Variants in DNAH11 observed in about 807,000 individuals in gnomAD.
DNAH11 encodes the protein axonemal beta dynein heavy chain 11.
In DNAH11, 442 loss-of-function variants were observed where a neutral mutation model predicts 526.0. That is an observed-to-expected ratio of 0.84 (90% CI 0.78 to 0.91). The LOEUF (loss-of-function observed/expected upper bound fraction) is 0.91, where lower values mean the gene tolerates loss of function less well. DNAH11 is among the 40% of genes least tolerant of loss of function. The pLI is 0.00. For missense variants in DNAH11, 6,989 were observed against 5,448.7 expected (o/e 1.28, Z -8.90); for synonymous variants, 2,461 against 1,935.9 (o/e 1.27, Z -7.12).
In DNAH11 at chr7:21,870,642, A is replaced by G. The variant is rs190394402; in HGVS notation, c.11967+1651A>G. 9.8e-5 allele frequency among the ~76,000 whole-genome samples: 15 copies of G among 152,336 alleles called. No individual in the cohort carries two copies. The East Asian group carries it at 2.3e-3, about 23-fold the overall frequency. ...GCTATAGTCATCCTCAAAAGAACGT[A>G]TTCAAAATAAACTATTTCCATTACT... is the stretch of plus-strand genomic sequence containing the variant. On this transcript the variant is annotated intron_variant, in intron 73 of 81. Coordinates refer to ENST00000409508, the MANE Select transcript of DNAH11 (RefSeq NM_001277115.2).
At chr7:21,582,159 ATAATAAAC>A in intron 9 of DNAH11, 138 bp downstream of exon 9, 1 of 593,976 alleles carries the variant, frequency 1.7e-6, no homozygotes, top group Non-Finnish European at 3.0e-6. Context: ...AGCTCACTGA[ATAATAAAC>A]TTTGAATAGT....
chr7:21,647,659 C>T (rs1486390705), intron 28 of DNAH11, among the ~76,000 whole-genome samples: 1 of 151,878 alleles, frequency 6.6e-6, no homozygotes, highest in Non-Finnish European at 1.5e-5. Context: ...TCTTGATCTC[C>T]TGACCTTGTG....
In DNAH11 at chr7:21,786,378, T is replaced by C. The variant is rs114594637; in HGVS notation, c.9598-246T>C. Among the ~76,000 whole-genome samples the C allele has an allele frequency of 2.4e-3, 365 of 152,104 alleles. 2 individuals are homozygous for C. Among genetic ancestry groups the C allele is most frequent in the African/African-American group, 8.5e-3 (353 of 41,482 alleles). ...TCTGCAGGACTGATATATAGATATA[T>C]AGATCATTTTTCTTGAAGGCAAGAA... On this transcript the variant is annotated intron_variant, in intron 58 of 81. Coordinates refer to ENST00000409508, the MANE Select transcript of DNAH11 (RefSeq NM_001277115.2).
chr7:21,699,623 T>A (rs1288093587), intron 36 of DNAH11, among the ~76,000 whole-genome samples: 1 of 152,154 alleles, frequency 6.6e-6, no homozygotes, highest in African/African-American at 2.4e-5. Flanking sequence ...GTGGGTGGAA[T>A]CATAATTTTT....
At chr7:21,669,697 T>A (rs1782566510) in intron 30 of DNAH11, among the ~76,000 whole-genome samples, 1 of 151,916 alleles carries the variant, frequency 6.6e-6, no homozygotes, top group Admixed American at 6.6e-5. Flanking sequence ...TAGATGTTAT[T>A]GCCTGTCCAA....
intron 68 of DNAH11, among the ~76,000 whole-genome samples, chr7:21,855,535 C>T (rs958129253): frequency 3.9e-5 from 6 of 152,104 alleles, no homozygotes; most frequent in African/African-American, 1.2e-4. Context: ...AATATAATAT[C>T]CCCATTTAAA....
At position 21,901,141 on chromosome 7, in the gene DNAH11, G is replaced by GTGTATA; in HGVS notation, c.13439_13444dup (p.Tyr4481_Arg4482insMetTyr). 1 of 1,613,252 alleles carries GTGTATA rather than the reference G, an allele frequency of 6.2e-7. No homozygotes were observed. Among genetic ancestry groups the GTGTATA allele is most frequent in the Non-Finnish European group, 8.5e-7 (1 of 1,179,358 alleles). ...AACCAAACAGACCTACGAGTGCCCTGTGTATAGAACCAAACTGAGAGGCCC... is the reference window on the plus strand; with the variant it reads ...AACCAAACAGACCTACGAGTGCCCTGTGTATATGTATAGAACCAAACTGAGAGGCCC... On this transcript the variant is annotated inframe_insertion, in exon 82 of 82. Coordinates refer to ENST00000409508, the MANE Select transcript of DNAH11 (RefSeq NM_001277115.2).
chr7:21,654,456 A>G (rs1458871999), intron 28 of DNAH11, among the ~76,000 whole-genome samples: 2 of 152,156 alleles, frequency 1.3e-5, no homozygotes, highest in Non-Finnish European at 2.9e-5. Context: ...CGTTGTATGG[A>G]TATACCACAT....
chr7:21,846,760 T>G (rs1454682746), intron 66 of DNAH11, among the ~76,000 whole-genome samples: 3 of 152,136 alleles, frequency 2.0e-5, no homozygotes, highest in Non-Finnish European at 2.9e-5. Flanking sequence ...TGCTTCTATT[T>G]TCTAGAAAAA....
intron 53 of DNAH11, 67 bp downstream of exon 53, chr7:21,749,868 C>G (rs1281044411): frequency 1.4e-5 from 23 of 1,595,926 alleles, no homozygotes; most frequent in Non-Finnish European, 1.9e-5. Context: ...TTTCAGTGAA[C>G]TTTAAAGAGA....
intron 54 of DNAH11, among the ~76,000 whole-genome samples, chr7:21,760,316 C>A (rs1786843505): frequency 6.6e-6 from 1 of 152,164 alleles, no homozygotes; most frequent in Non-Finnish European, 1.5e-5. Context: ...CACACCAAGC[C>A]TTACAACCTG....
Position 21,740,627 on chromosome 7 carries a change from A to G in DNAH11, c.7914+954A>G, listed in dbSNP as rs910845101. On this transcript the variant is annotated intron_variant, in intron 48 of 81. Coordinates refer to ENST00000409508, the MANE Select transcript of DNAH11 (RefSeq NM_001277115.2). ...ATTTTCCTTAGTTATTCATTCGTTG[A>G]TGGACACTTGGGTTGCTTCCACACT... is the stretch of plus-strand genomic sequence containing the variant. Among the ~76,000 whole-genome samples, 11 of 152,304 alleles carry G rather than the reference A, an allele frequency of 7.2e-5. No homozygotes were observed. In the South Asian group the frequency reaches 1.9e-3, roughly 26 times the overall value.
intron 49 of DNAH11, 126 bp from the exon 50 acceptor site, chr7:21,744,312 A>G (rs900257472): frequency 3.7e-6 from 4 of 1,070,598 alleles, no homozygotes; most frequent in African/African-American, 3.2e-5. Flanking sequence ...GAACACGCAC[A>G]TTACTATTGA....
chr7:21,875,248 CTATT>C (rs1783659584), intron 74 of DNAH11, among the ~76,000 whole-genome samples: 1 of 152,050 alleles, frequency 6.6e-6, no homozygotes, highest in Non-Finnish European at 1.5e-5. Context: ...TAATTTCTGG[CTATT>C]TATGACATTT....
chr7:21,663,976 A>T (rs768064874), intron 30 of DNAH11, among the ~76,000 whole-genome samples: 1 of 151,834 alleles, frequency 6.6e-6, no homozygotes, highest in Non-Finnish European at 1.5e-5. Context: ...TGGTAATTCT[A>T]TTTTTAATTT....
chr7:21,855,970 C>G (rs1041392771), intron 68 of DNAH11, among the ~76,000 whole-genome samples: 1 of 151,962 alleles, frequency 6.6e-6, no homozygotes, highest in South Asian at 2.1e-4. Flanking sequence ...GAGGAAGTAA[C>G]GTTTATTTCT....
At chr7:21,745,139 A>G (rs1786088498) in intron 51 of DNAH11, 76 bp downstream of exon 51, 7 of 1,439,184 alleles carry the variant, frequency 4.9e-6, no homozygotes, top group South Asian at 1.3e-5. Context: ...TTTTCAATAG[A>G]TCATACTAAG....
intron 54 of DNAH11, among the ~76,000 whole-genome samples, chr7:21,760,076 A>T (rs1157155912): frequency 6.6e-6 from 1 of 152,134 alleles, no homozygotes; most frequent in Non-Finnish European, 1.5e-5. Context: ...GTTGGAAACT[A>T]ACTTAAGCCA....
At chr7:21,646,704 T>C (rs1488054975) in intron 28 of DNAH11, among the ~76,000 whole-genome samples, 2 of 152,166 alleles carry the variant, frequency 1.3e-5, no homozygotes, top group African/African-American at 4.8e-5. Flanking sequence ...GAAGCCCTTA[T>C]AATTTATAGG....
Sources: allele counts gnomAD v4.1 joint callset (sites outside exome capture counted in the v4.1 genomes callset), GRCh38; gene constraint gnomAD v4.1.1; transcripts MANE v1.5; gene names NCBI Gene and HGNC (gene_info 2026-07-23, HGNC 2026-07-21).